ADAM10: variants seen among roughly 807,000 people sequenced by gnomAD.
The protein encoded by ADAM10 is disintegrin and metalloproteinase domain-containing protein 10.
A neutral mutation model predicts 90.1 loss-of-function variants in ADAM10; 17 were observed. The observed-to-expected ratio is 0.19, with a 90% CI of 0.13 to 0.28. The LOEUF (loss-of-function observed/expected upper bound fraction) is 0.28, where lower values mean the gene tolerates loss of function less well. Among genes scored for constraint, ADAM10 ranks in the 10% least tolerant of loss-of-function variants. The pLI is 1.00. For missense variants in ADAM10, 610 were observed against 914.3 expected (o/e 0.67, Z 4.29); for synonymous variants, 310 against 298.6 (o/e 1.04, Z -0.40).
At chr15:58,672,822 A>G (rs1897227646) in intron 4 of ADAM10, 1 of 147,446 alleles carries the variant, frequency 6.8e-6, no homozygotes, top group African/African-American at 2.5e-5. Context: ...GGAGATGTCA[A>G]TGCTGAAAAA....
intron 1 of ADAM10, among the ~76,000 whole-genome samples, chr15:58,736,025 C>T (rs1315765866): frequency 1.3e-5 from 2 of 152,148 alleles, no homozygotes; most frequent in African/African-American, 2.4e-5. Context: ...AAAATGACAG[C>T]TTCCACTAAG....
In ADAM10 at chr15:58,713,807, ATTCTT is replaced by A. The variant is rs1161324759; in HGVS notation, c.206+3765_206+3769del. On this transcript the variant is annotated intron_variant, in intron 2 of 15. Coordinates refer to ENST00000260408, the MANE Select transcript of ADAM10 (RefSeq NM_001110.4). Reference sequence around the variant, plus strand: ...TTCAAGAGCAACAGCTTTTCATAGAATTCTTTTCTTTTTTTTTTTTTTCTGAGATG... The same window carrying A: ...TTCAAGAGCAACAGCTTTTCATAGAATTCTTTTTTTTTTTTTTCTGAGATG... 1.6e-4 allele frequency among the ~76,000 whole-genome samples: 24 copies of A among 150,376 alleles called. No individual in the cohort carries two copies. In the East Asian group the frequency reaches 4.1e-3, roughly 26 times the overall value.
At position 58,683,230 on chromosome 15, in the gene ADAM10, A is replaced by G. The variant is rs144920713; in HGVS notation, c.207-916T>C. Among the ~76,000 whole-genome samples, 480 of 152,356 alleles carry G rather than the reference A, an allele frequency of 3.2e-3. 2 individuals carry two copies. The highest frequency in any genetic ancestry group is 0.011 in the African/African-American group (459 of 41,588). Reference sequence around the variant, plus strand: ...AGTCTTTTATAATTGTGAACATAATAGAATTTCTACTTAATTTTTTTGACA... The same window carrying G: ...AGTCTTTTATAATTGTGAACATAATGGAATTTCTACTTAATTTTTTTGACA... On this transcript the variant is annotated intron_variant, in intron 2 of 15. Transcript: ENST00000260408.
intron 2 of ADAM10, among the ~76,000 whole-genome samples, chr15:58,712,826 A>T (rs76484426): frequency 6.6e-6 from 1 of 151,934 alleles, no homozygotes; most frequent in Admixed American, 6.6e-5. Flanking sequence ...ACTCCGCCTC[A>T]AAAAAAAGAA....
chr15:58,744,059 T>C (rs28470809), intron 1 of ADAM10, among the ~76,000 whole-genome samples: 21,532 of 152,204 alleles, frequency 0.14, 1,804 homozygotes, highest in South Asian at 0.33. Flanking sequence ...TGCAACCTAA[T>C]GAGAATACAT....
At position 58,679,171 on chromosome 15, in the gene ADAM10, T is replaced by G. The variant is rs752236068; in HGVS notation, c.437A>C (p.Asp146Ala). 1.2e-6 allele frequency: 2 copies of G among 1,613,878 alleles called. No homozygotes were observed. The highest frequency in any genetic ancestry group is 2.7e-5 in the African/African-American group (2 of 74,922). The change falls in exon 4 of 16, where the codon GAC becomes GCC. Residue 146 changes from aspartate to alanine, a missense_variant. Around this residue, in one of 4 missense-constraint regions of ADAM10, gnomAD observed 310 missense variants for 362.4 expected, o/e 0.86. Transcript: ENST00000260408. ...GACAGAGTGAAATGGCAGAGTTCGG[T>G]CTTTAATATATCTCTCTGCTGGCTC... ...YVEPAERYIK[D>A]RTLPFHSVIY... is the part of the protein sequence containing the mutation.
chr15:58,610,868 A>G, intron 13 of ADAM10, 131 bp downstream of exon 13: 1 of 741,648 alleles, frequency 1.3e-6, no homozygotes, highest in African/African-American at 1.7e-5. Flanking sequence ...TACATTTATA[A>G]TCTCCTCAAG....
At chr15:58,634,954 C>A (rs532723592) in intron 8 of ADAM10, among the ~76,000 whole-genome samples, 1 of 152,080 alleles carries the variant, frequency 6.6e-6, no homozygotes, top group African/African-American at 2.4e-5. Flanking sequence ...CATTATACTA[C>A]GACTGTTGCC....
At chr15:58,747,176 A>T (rs151039299) in intron 1 of ADAM10, among the ~76,000 whole-genome samples, 10 of 152,314 alleles carry the variant, frequency 6.6e-5, no homozygotes, top group African/African-American at 2.2e-4. Flanking sequence ...TAAAATAAAA[A>T]AACATGGTTT....
intron 1 of ADAM10, among the ~76,000 whole-genome samples, chr15:58,745,469 G>A (rs992446628): frequency 2.0e-5 from 3 of 152,076 alleles, no homozygotes; most frequent in Non-Finnish European, 2.9e-5. Flanking sequence ...AGACTGTAAC[G>A]ATCATTCTAT....
intron 1 of ADAM10, among the ~76,000 whole-genome samples, chr15:58,745,200 T>C (rs1899752502): frequency 1.3e-5 from 2 of 152,162 alleles, no homozygotes; most frequent in Admixed American, 6.5e-5. Flanking sequence ...TAAAAGTGTA[T>C]TCCCAGAGTT....
At chr15:58,699,244 A>G (rs1356526692) in intron 2 of ADAM10, among the ~76,000 whole-genome samples, 1 of 152,232 alleles carries the variant, frequency 6.6e-6, no homozygotes, top group Non-Finnish European at 1.5e-5. Flanking sequence ...CTACACAAGC[A>G]AAAACAGGTA....
chr15:58,626,259 C>A (rs912275365), intron 10 of ADAM10, among the ~76,000 whole-genome samples: 1 of 152,008 alleles, frequency 6.6e-6, no homozygotes, highest in Admixed American at 6.6e-5. Context: ...TCGGAGGGAA[C>A]TGAGTGAAGG....
At chr15:58,733,390 G>A (rs1899321563) in intron 1 of ADAM10, among the ~76,000 whole-genome samples, 1 of 152,132 alleles carries the variant, frequency 6.6e-6, no homozygotes, top group South Asian at 2.1e-4. Context: ...GGTCTGCTGT[G>A]GATTTCCAGA....
intron 11 of ADAM10, among the ~76,000 whole-genome samples, chr15:58,619,926 G>T (rs1895731535): frequency 6.6e-6 from 1 of 151,470 alleles, no homozygotes; most frequent in African/African-American, 2.4e-5. Flanking sequence ...TTAAAAAAAG[G>T]AATAGGAAGC....
chr15:58,610,941 T>C (rs1895421672), intron 13 of ADAM10, 58 bp downstream of exon 13: 2 of 1,311,136 alleles, frequency 1.5e-6, no homozygotes, highest in Non-Finnish European at 2.2e-6. Flanking sequence ...ACTTAAAATT[T>C]AGGAGAAAAT....
chr15:58,600,967 T>C (rs8028389), intron 14 of ADAM10, among the ~76,000 whole-genome samples: 5,559 of 152,266 alleles, frequency 0.037, 120 homozygotes, highest in African/African-American at 0.066. Context: ...AGTGTTTATA[T>C]AATTAAAGTA....
intron 1 of ADAM10, among the ~76,000 whole-genome samples, chr15:58,728,567 C>T (rs1487086870): frequency 6.6e-6 from 1 of 151,094 alleles, no homozygotes; most frequent in Non-Finnish European, 1.5e-5. Context: ...TAGCGAGATT[C>T]CATCTCTATT....
intron 5 of ADAM10, among the ~76,000 whole-genome samples, chr15:58,655,676 A>AT (rs60768201): frequency 2.7e-5 from 3 of 111,190 alleles, no homozygotes; most frequent in African/African-American, 1.3e-4. Flanking sequence ...ATACATACAT[A>AT]CATATATATA....
Sources: allele counts gnomAD v4.1 joint callset (sites outside exome capture counted in the v4.1 genomes callset), GRCh38; gene constraint gnomAD v4.1.1; regional missense constraint gnomAD v4.1.1; transcripts MANE v1.5; gene names NCBI Gene and HGNC (gene_info 2026-07-23, HGNC 2026-07-21).